The following XXYLT1 variants were observed in gnomAD, a reference collection of about 807,000 sequenced individuals.
XXYLT1 encodes the protein xyloside xylosyltransferase 1.
A neutral mutation model predicts 28.9 loss-of-function variants in XXYLT1; 20 were observed. The observed-to-expected ratio is 0.69, with a 90% confidence interval of 0.49 to 1.00. XXYLT1 has a LOEUF of 1.00. Ranked by LOEUF, XXYLT1 falls within the 50% of genes least tolerant of loss-of-function variation. The pLI is 0.00. For missense variants in XXYLT1, 542 were observed against 560.1 expected (o/e 0.97, Z 0.33); for synonymous variants, 257 against 253.8 (o/e 1.01, Z -0.12).
At chr3:195,260,267 G>A (rs1227105282) in intron 1 of XXYLT1, among the ~76,000 whole-genome samples, 2 of 151,356 alleles carry the variant, frequency 1.3e-5, no homozygotes, top group Admixed American at 6.6e-5. Flanking sequence ...GGGCGGGGGA[G>A]GGACCGCGCC....
chr3:195,082,590 C>T (rs1033693081), intron 3 of XXYLT1, among the ~76,000 whole-genome samples: 4 of 152,190 alleles, frequency 2.6e-5, no homozygotes, highest in Non-Finnish European at 5.9e-5. Context: ...CGGTGGCTCA[C>T]GCCTGTAATC....
chr3:195,148,473 G>A lies in XXYLT1; in HGVS notation c.785+7976C>T, dbSNP rs529967914. On this transcript the variant is annotated intron_variant, in intron 3 of 3. Transcript: ENST00000310380. ...TTTTTTTTTTAAACACGAGAACAAG[G>A]TTCAAGAAATTCATCTTCAGGTGTC... Among the ~76,000 whole-genome samples the A allele has an allele frequency of 2.2e-4, 33 of 152,100 alleles. No individual in the cohort carries two copies. The South Asian group carries it at 4.4e-3, about 20-fold the overall frequency.
chr3:195,126,179 T>G (rs1369875582), intron 3 of XXYLT1, among the ~76,000 whole-genome samples: 1 of 152,148 alleles, frequency 6.6e-6, no homozygotes, highest in Non-Finnish European at 1.5e-5. Context: ...AACACACAGG[T>G]GAGGTCGAGA....
chr3:195,112,264 T>A (rs774436182), intron 3 of XXYLT1, among the ~76,000 whole-genome samples: 3 of 152,142 alleles, frequency 2.0e-5, no homozygotes, highest in Admixed American at 6.5e-5. Context: ...GGCTGAACAC[T>A]GGGCAAACAC....
chr3:195,135,251 C>T (rs114272999), intron 3 of XXYLT1, among the ~76,000 whole-genome samples: 29 of 152,182 alleles, frequency 1.9e-4, no homozygotes, highest in African/African-American at 7.0e-4. Flanking sequence ...CAGAATTCTG[C>T]GACGATATCA....
rs994654901 is a variant in XXYLT1 at position 195,122,318 on chromosome 3, G to A, written c.785+34131C>T. On this transcript the variant is annotated intron_variant, in intron 3 of 3. Transcript: ENST00000310380. ...CATTGCACCCCTCAGTAGTCTAAAA[G>A]GGCTGAGGTTAAAAACGCAGATGGG... The A allele has an allele frequency of 5.8e-5, 35 of 603,802 alleles. No homozygotes were observed. In the African/African-American group the frequency reaches 6.1e-4, roughly 11 times the overall value. The allele number at this position is 603,802 out of a possible 1,614,324, so 37.4% of individuals were successfully genotyped here. A position where few individuals can be genotyped will look rare whatever the true frequency, so the allele number is the denominator to read the frequency against.
At chr3:195,193,348 G>T (rs987099123) in intron 2 of XXYLT1, among the ~76,000 whole-genome samples, 11 of 150,946 alleles carry the variant, frequency 7.3e-5, no homozygotes, top group African/African-American at 2.2e-4. Flanking sequence ...TTAATAAAAG[G>T]AGTACAAGAC....
At chr3:195,194,358 A>G (rs1386401619) in intron 2 of XXYLT1, among the ~76,000 whole-genome samples, 1 of 152,134 alleles carries the variant, frequency 6.6e-6, no homozygotes, top group Non-Finnish European at 1.5e-5. Context: ...GAAAATGCAA[A>G]TTAAATGAGA....
At position 195,069,088 on chromosome 3, in the gene XXYLT1, T is replaced by C. The variant is rs147723998; in HGVS notation, c.*627A>G. 1.2e-4 allele frequency: 18 copies of C among 152,466 alleles called. No individual in the cohort carries two copies. The highest frequency in any genetic ancestry group is 4.3e-4 in the African/African-American group (18 of 41,550). 9.4% of individuals were successfully genotyped at this position (152,466 alleles called of 1,614,324 possible). ...TACTCTAATAATGAGATAAGTTTTC[T>C]TATGCAGGCCCCAGTTGGTCCTGAA... On this transcript the variant is annotated 3_prime_UTR_variant, in exon 4 of 4. Coordinates refer to ENST00000310380, the MANE Select transcript of XXYLT1 (RefSeq NM_152531.5).
intron 3 of XXYLT1, chr3:195,122,271 G>C: frequency 1.5e-6 from 1 of 672,220 alleles, no homozygotes; most frequent in Non-Finnish European, 2.7e-6. Context: ...CATGAATTTT[G>C]GGGGGATACA....
chr3:195,135,719 T>C (rs1366784146), intron 3 of XXYLT1, among the ~76,000 whole-genome samples: 1 of 152,220 alleles, frequency 6.6e-6, no homozygotes, highest in Non-Finnish European at 1.5e-5. Context: ...AGCTTTCTAC[T>C]GTAGAAAAGA....
chr3:195,099,579 C>T (rs1354253449), intron 3 of XXYLT1, among the ~76,000 whole-genome samples: 1 of 152,084 alleles, frequency 6.6e-6, no homozygotes, highest in African/African-American at 2.4e-5. Flanking sequence ...GCCTATAATT[C>T]CAGCACTTTG....
Position 195,168,624 on chromosome 3 carries a change from G to A in XXYLT1, c.653-12043C>T, listed in dbSNP as rs1348412068. Among the ~76,000 whole-genome samples, 1 of 152,184 alleles carries A rather than the reference G, an allele frequency of 6.6e-6. No homozygotes were observed. Among genetic ancestry groups the A allele is most frequent in the Non-Finnish European group, 1.5e-5 (1 of 68,034 alleles). On this transcript the variant is annotated intron_variant, in intron 2 of 3. Transcript: ENST00000310380. This position sits in a 1 kb window ranked among gnomAD's most constrained non-coding sequence, Gnocchi z 4.3. ...TATGAAGGAGAACCAGAGACTGGGA[G>A]GTGCTGGGACCTGCCTTACTACTGA... is the stretch of plus-strand genomic sequence containing the variant.
intron 3 of XXYLT1, among the ~76,000 whole-genome samples, chr3:195,099,714 C>T (rs1716662170): frequency 6.6e-6 from 1 of 151,532 alleles, no homozygotes; most frequent in Non-Finnish European, 1.5e-5. Context: ...ACCTGCAGTC[C>T]CAGCTACTGG....
At chr3:195,189,797 A>G (rs1246471119) in intron 2 of XXYLT1, among the ~76,000 whole-genome samples, 2 of 152,228 alleles carry the variant, frequency 1.3e-5, no homozygotes, top group Admixed American at 1.3e-4. Flanking sequence ...GTAGAAAAAA[A>G]TGACAGAAAA....
rs553343612 is a variant in XXYLT1 at position 195,128,445 on chromosome 3, A to T, written c.785+28004T>A. ...CCATGCAACCAATGTCAACATCCTA[A>T]AATGAAAATGAAACCAGACCTCCCC... is the stretch of plus-strand genomic sequence containing the variant. On this transcript the variant is annotated intron_variant, in intron 3 of 3. Transcript: ENST00000310380. Among the ~76,000 whole-genome samples, 5 of 152,252 alleles carry T rather than the reference A, an allele frequency of 3.3e-5. No homozygotes were observed. In the South Asian group the frequency reaches 6.2e-4, roughly 19 times the overall value.
intron 1 of XXYLT1, 120 bp downstream of exon 1, chr3:195,270,435 C>A: frequency 7.5e-7 from 1 of 1,336,762 alleles, no homozygotes; most frequent in Non-Finnish European, 9.6e-7. Flanking sequence ...ACATTGCAAG[C>A]GGGCAGCTCA....
intron 1 of XXYLT1, among the ~76,000 whole-genome samples, chr3:195,244,500 G>A (rs1250952655): frequency 6.6e-6 from 1 of 152,040 alleles, no homozygotes; most frequent in Non-Finnish European, 1.5e-5. Context: ...GGTGGCTCAT[G>A]CCTGTAATCC....
chr3:195,085,355 G>A (rs563006633), intron 3 of XXYLT1, among the ~76,000 whole-genome samples: 4 of 152,304 alleles, frequency 2.6e-5, no homozygotes, highest in South Asian at 2.1e-4. Context: ...CTGCCGCTCC[G>A]GCTCCAAGCT....
Sources: allele counts gnomAD v4.1 joint callset (sites outside exome capture counted in the v4.1 genomes callset), GRCh38; gene constraint gnomAD v4.1.1; non-coding constraint Gnocchi (gnomAD v3.1); transcripts MANE v1.5; gene names NCBI Gene and HGNC (gene_info 2026-07-23, HGNC 2026-07-21).